NEBL: variants seen among roughly 807,000 people sequenced by gnomAD.
NEBL encodes nebulette, also known as LIM and SH3 protein 2.
Under a neutral mutation model 140.2 loss-of-function variants are expected in NEBL, and 122 were observed. That is an observed-to-expected ratio of 0.87 (90% CI 0.75 to 1.01). The LOEUF is 1.01. NEBL is among the 50% of genes least tolerant of loss of function. The probability of loss-of-function intolerance (pLI) is 0.00; values close to 1 mark genes in which losing one functional copy is unlikely to be tolerated. For synonymous variants in NEBL, 436 were observed against 398.9 expected (o/e 1.09, Z -1.11); for missense variants, 1,365 against 1,231.3 (o/e 1.11, Z -1.62).
chr10:20,799,924 CGTGTGTGTGTGTGTGT>C, intron 26 of NEBL, among the ~76,000 whole-genome samples: 1 of 149,506 alleles, frequency 6.7e-6, no homozygotes, highest in African/African-American at 2.4e-5. Context: ...CCATCTGGCA[CGTGTGTGTGTGTGTGT>C]GTGTGTGTGA....
At chr10:20,823,093 G>T in intron 19 of NEBL, 115 bp downstream of exon 19, 2 of 752,246 alleles carry the variant, frequency 2.7e-6, no homozygotes, top group Non-Finnish European at 4.4e-6. Flanking sequence ...TTAAGGAACC[G>T]ATCCTCTCGC....
intron 2 of NEBL, among the ~76,000 whole-genome samples, chr10:21,169,068 ATATATATATAT>A (rs1443543230): frequency 0.02 from 363 of 18,034 alleles, 23 homozygotes; most frequent in Middle Eastern, 0.12. Context: ...AAAAAAAAAA[ATATATATATAT>A]ATATATATAT....
chr10:21,119,624 T>C (rs1838437100), intron 2 of NEBL, among the ~76,000 whole-genome samples: 1 of 151,972 alleles, frequency 6.6e-6, no homozygotes, highest in African/African-American at 2.4e-5. Flanking sequence ...GCTTGAAAGT[T>C]AGTAGCAAGC....
intron 3 of NEBL, among the ~76,000 whole-genome samples, chr10:20,996,084 A>G (rs1354470184): frequency 2.0e-5 from 3 of 152,184 alleles, no homozygotes; most frequent in Non-Finnish European, 4.4e-5. Flanking sequence ...TAACTCAGGC[A>G]ATACTAATGG....
At chr10:21,166,232 A>G (rs1345778461) in intron 2 of NEBL, among the ~76,000 whole-genome samples, 4 of 119,764 alleles carry the variant, frequency 3.3e-5, no homozygotes, top group Non-Finnish European at 1.7e-5. Context: ...AAAAAAAAAA[A>G]AAAAAAAAAA....
intron 24 of NEBL, 150 bp from the exon 25 acceptor site, chr10:20,810,048 C>T (rs369661575): frequency 3.5e-5 from 23 of 659,358 alleles, no homozygotes; most frequent in African/African-American, 3.3e-4. Flanking sequence ...ACTCACAGTG[C>T]TGCTGACTTC....
intron 1 of NEBL, among the ~76,000 whole-genome samples, chr10:21,265,706 T>A (rs775141460): frequency 2.0e-5 from 3 of 152,212 alleles, no homozygotes; most frequent in Non-Finnish European, 2.9e-5. Context: ...CAGGCAACAG[T>A]ACGCTTTTCT....
chr10:20,951,709 C>T (rs569894623), intron 4 of NEBL, among the ~76,000 whole-genome samples: 1 of 152,128 alleles, frequency 6.6e-6, no homozygotes, highest in African/African-American at 2.4e-5. Flanking sequence ...ATTATATGGC[C>T]TAATTATTAA....
intron 11 of NEBL, among the ~76,000 whole-genome samples, chr10:20,847,893 T>TTTTTATA (rs1358264353): frequency 6.6e-6 from 1 of 152,104 alleles, no homozygotes; most frequent in Non-Finnish European, 1.5e-5. Context: ...CCAAGAACAG[T>TTTTTATA]TTTTATATTT....
At chr10:21,292,675 C>A (rs546333406) in intron 1 of NEBL, among the ~76,000 whole-genome samples, 3 of 152,076 alleles carry the variant, frequency 2.0e-5, no homozygotes, top group Non-Finnish European at 4.4e-5. Flanking sequence ...AAAAGGAAAT[C>A]AAGGTTTTAC....
At chr10:20,861,929 A>G (rs1564395804) in intron 7 of NEBL, among the ~76,000 whole-genome samples, 1 of 152,196 alleles carries the variant, frequency 6.6e-6, no homozygotes, top group Middle Eastern at 3.2e-3. Context: ...CCTACCAAAC[A>G]TCACAGCTTC....
intron 2 of NEBL, among the ~76,000 whole-genome samples, chr10:21,040,337 CAA>C (rs61477654): frequency 6.6e-6 from 1 of 151,348 alleles, no homozygotes; most frequent in Non-Finnish European, 1.5e-5. Context: ...AGACTCCATT[CAA>C]AAAAAAAAGA....
intron 2 of NEBL, chr10:21,069,969 G>T: frequency 2.2e-6 from 1 of 456,200 alleles, no homozygotes; most frequent in African/African-American, 2.0e-5. Flanking sequence ...CTTAGGGACT[G>T]CGCCCCTGGA....
At chr10:21,065,118 A>G (rs925441954) in intron 2 of NEBL, among the ~76,000 whole-genome samples, 70 of 152,176 alleles carry the variant, frequency 4.6e-4, no homozygotes, top group Admixed American at 4.5e-3. Flanking sequence ...GCAAAAAAAG[A>G]TTCTTTATAA....
At chr10:21,102,865 G>A (rs571286931) in intron 2 of NEBL, among the ~76,000 whole-genome samples, 1 of 152,116 alleles carries the variant, frequency 6.6e-6, no homozygotes, top group South Asian at 2.1e-4. Context: ...ACATGTGCAG[G>A]ATGTGCAGGT....
Position 20,957,774 on chromosome 10 carries a change from G to T in NEBL, c.357+3898C>A, listed in dbSNP as rs946440143. ...AAACACACAATTTTGTCATCTGGTCGATTTTTGTTTCTTTCCCCTTCATTT... is the reference window on the plus strand; with the variant it reads ...AAACACACAATTTTGTCATCTGGTCTATTTTTGTTTCTTTCCCCTTCATTT... On this transcript the variant is annotated intron_variant, in intron 4 of 6. Coordinates refer to the NEBL transcript ENST00000417816. Among the ~76,000 whole-genome samples, 3 of 152,094 alleles carry T rather than the reference G, an allele frequency of 2.0e-5. No homozygotes were observed. In the East Asian group the frequency reaches 5.8e-4, roughly 29 times the overall value.
At chr10:20,849,405 G>A (rs919994872) in intron 11 of NEBL, among the ~76,000 whole-genome samples, 1 of 152,164 alleles carries the variant, frequency 6.6e-6, no homozygotes, top group Non-Finnish European at 1.5e-5. Flanking sequence ...CAAAGTTCGT[G>A]TGTTGAAAAC....
intron 2 of NEBL, among the ~76,000 whole-genome samples, chr10:21,041,027 T>C (rs940974796): frequency 1.3e-5 from 2 of 152,178 alleles, no homozygotes; most frequent in Non-Finnish European, 2.9e-5. Flanking sequence ...CTCAGGTAGT[T>C]CCTTATAGCA....
intron 3 of NEBL, among the ~76,000 whole-genome samples, chr10:21,201,213 T>G (rs188454522): frequency 6.6e-6 from 1 of 152,310 alleles, no homozygotes; most frequent in East Asian, 1.9e-4. Flanking sequence ...TGTGCCTAAT[T>G]CAGGATAAAA....
Sources: allele counts gnomAD v4.1 joint callset (sites outside exome capture counted in the v4.1 genomes callset), GRCh38; gene constraint gnomAD v4.1.1; transcripts MANE v1.5; gene names NCBI Gene and HGNC (gene_info 2026-07-23, HGNC 2026-07-21).